The following STARD13 variants were observed in gnomAD, a reference collection of about 807,000 sequenced individuals.
STARD13 encodes StAR related lipid transfer domain containing 13.
In STARD13, 62 loss-of-function variants were observed where a neutral mutation model predicts 106.4. The ratio of observed to expected loss-of-function variants is 0.58; its 90% confidence interval spans 0.48 to 0.72. The LOEUF (loss-of-function observed/expected upper bound fraction) is 0.72, where lower values mean the gene tolerates loss of function less well. Among genes scored for constraint, STARD13 ranks in the 30% least tolerant of loss-of-function variants. STARD13 has a pLI of 0.00. For missense variants in STARD13, 1,387 were observed against 1,424.0 expected (o/e 0.97, Z 0.42); for synonymous variants, 565 against 553.0 (o/e 1.02, Z -0.31).
At chr13:33,503,138 A>G in the STARD13 span, among the ~76,000 whole-genome samples, 1 of 152,130 alleles carries the variant, frequency 6.6e-6, no homozygotes, top group African/African-American at 2.4e-5. Context: ...GAATTTATCC[A>G]TTTCTTCTAG....
At chr13:33,232,761 T>C (rs1888987082) in intron 1 of STARD13, among the ~76,000 whole-genome samples, 1 of 152,234 alleles carries the variant, frequency 6.6e-6, no homozygotes, top group Non-Finnish European at 1.5e-5. Context: ...CCTCAGGAAA[T>C]CAACCCTCAC....
the STARD13 span, among the ~76,000 whole-genome samples, chr13:33,534,409 G>A: frequency 6.6e-6 from 1 of 152,190 alleles, no homozygotes; most frequent in African/African-American, 2.4e-5. Context: ...AGGGAAAATA[G>A]TTGAAGAAGT....
chr13:33,190,588 CTTTTT>C (rs71196510), intron 1 of STARD13, among the ~76,000 whole-genome samples: 2 of 131,206 alleles, frequency 1.5e-5, no homozygotes, highest in East Asian at 2.1e-4. Context: ...CTTTTCTTTT[CTTTTT>C]TTTTTTTTTT....
At chr13:33,480,547 A>G in the STARD13 span, among the ~76,000 whole-genome samples, 1 of 152,146 alleles carries the variant, frequency 6.6e-6, no homozygotes, top group Non-Finnish European at 1.5e-5. Context: ...TACCATCCCT[A>G]GTGTTTTTTG....
chr13:33,285,634 A>G lies in STARD13; in HGVS notation c.5T>C (p.Phe2Ser), dbSNP rs1892020775. The G allele has an allele frequency of 6.8e-6, 11 of 1,612,556 alleles. No individual in the cohort carries two copies. The highest frequency in any genetic ancestry group is 1.3e-5 in the African/African-American group (1 of 74,842). ...GGCTGGGGTCCTGGGCACCTGACTG[A>G]ACATCTCGGCAGATTTCCTATTGCC... M[F>S]SQVPRTPASG... is the part of the protein sequence containing the mutation. Residue 2 changes from phenylalanine to serine, a missense_variant, in exon 1 of 14, where the codon TTC becomes TCC. Coordinates refer to ENST00000336934, the MANE Select transcript of STARD13 (RefSeq NM_178006.4).
chr13:33,237,708 A>T (rs905947751), intron 1 of STARD13, among the ~76,000 whole-genome samples: 2 of 152,208 alleles, frequency 1.3e-5, no homozygotes, highest in Non-Finnish European at 2.9e-5. Context: ...CTTACCAAAA[A>T]ATTTTAAGGA....
intron 1 of STARD13, among the ~76,000 whole-genome samples, chr13:33,332,711 A>G (rs2077850648): frequency 6.6e-6 from 1 of 151,678 alleles, no homozygotes; most frequent in Non-Finnish European, 1.5e-5. Flanking sequence ...CCCAAATAGC[A>G]CCCCCTTTCA....
chr13:33,658,451 C>G, the STARD13 span: 1 of 152,166 alleles, frequency 6.6e-6, no homozygotes, highest in Non-Finnish European at 1.5e-5. Context: ...AATATCATAA[C>G]CCCTCTGAGA....
intron 1 of STARD13, among the ~76,000 whole-genome samples, chr13:33,195,418 T>A (rs897390070): frequency 2.6e-5 from 4 of 152,158 alleles, no homozygotes; most frequent in Non-Finnish European, 5.9e-5. Context: ...GGGGACCACA[T>A]TTTTCTCTCA....
intron 6 of STARD13, 139 bp downstream of exon 6, chr13:33,127,234 C>T: frequency 1.1e-6 from 1 of 949,928 alleles, no homozygotes; most frequent in Non-Finnish European, 1.5e-6. Context: ...CGGCAGAGCT[C>T]ATGCCTTATG....
chr13:33,587,646 G>A, the STARD13 span, among the ~76,000 whole-genome samples: 1 of 152,142 alleles, frequency 6.6e-6, no homozygotes, highest in Admixed American at 6.5e-5. Flanking sequence ...TAATATGCAG[G>A]TTTTGATTCA....
chr13:33,517,027 A>G, the STARD13 span, among the ~76,000 whole-genome samples: 46 of 152,068 alleles, frequency 3.0e-4, no homozygotes, highest in Non-Finnish European at 5.7e-4. Flanking sequence ...AAATGATAAG[A>G]TTTAGGATAT....
the STARD13 span, among the ~76,000 whole-genome samples, chr13:33,430,513 G>A: frequency 1.3e-5 from 2 of 152,166 alleles, no homozygotes; most frequent in African/African-American, 4.8e-5. Context: ...AGAACAGCAT[G>A]GAGGTTCCTC....
the STARD13 span, among the ~76,000 whole-genome samples, chr13:33,633,961 G>A: frequency 1.6e-4 from 25 of 152,194 alleles, no homozygotes; most frequent in Middle Eastern, 3.4e-3. Flanking sequence ...GACCACATTT[G>A]TTTTTATCTT....
chr13:33,256,433 C>T (rs1284493390), intron 1 of STARD13, among the ~76,000 whole-genome samples: 1 of 152,198 alleles, frequency 6.6e-6, no homozygotes, highest in Non-Finnish European at 1.5e-5. Context: ...ACAGTTTTCA[C>T]TTGTTCTATT....
In STARD13 at chr13:33,129,097, G is replaced by A. The variant is rs533317708; in HGVS notation, c.1580C>T (p.Pro527Leu). ...LVGEPGLSTFPSPNQITLDFE... is the reference protein window; with the variant it reads ...LVGEPGLSTFLSPNQITLDFE... ...ATCTAAGGTGATCTGATTAGGAGAT[G>A]GAAAGGTGGATAAGCCAGGTTCCCC... The change falls in exon 5 of 14, where the codon CCA becomes CTA. Residue 527 changes from proline to leucine, a missense_variant. Pro to Leu is a moderately conservative substitution (Grantham distance 98). Transcript: ENST00000336934. 4.3e-6 allele frequency: 7 copies of A among 1,614,170 alleles called. No individual in the cohort carries two copies. In the East Asian group the frequency reaches 1.6e-4, roughly 36 times the overall value.
rs1883966275 is a variant in STARD13 at position 33,171,588 on chromosome 13, T to A, written c.170-3966A>T. On this transcript the variant is annotated intron_variant, in intron 1 of 13. Coordinates refer to ENST00000336934, the MANE Select transcript of STARD13 (RefSeq NM_178006.4). ...TGACGCCTCTTGCCTCCAAGCACAC[T>A]CCCTAGCCCTATCACCACCACCCAC... Among the ~76,000 whole-genome samples, 3 of 152,146 alleles carry A rather than the reference T, an allele frequency of 2.0e-5. 1 individual carries two copies. The South Asian group carries it at 6.2e-4, about 32-fold the overall frequency.
intron 1 of STARD13, among the ~76,000 whole-genome samples, chr13:33,331,566 A>T (rs1211309848): frequency 1.7e-4 from 23 of 133,690 alleles, no homozygotes; most frequent in African/African-American, 6.5e-4. Flanking sequence ...AGGTTTCGCC[A>T]TGTTGGTCAG....
chr13:33,594,536 A>G, the STARD13 span, among the ~76,000 whole-genome samples: 1 of 152,252 alleles, frequency 6.6e-6, no homozygotes, highest in East Asian at 1.9e-4. Context: ...AACAAAATTT[A>G]TCATTGTAAT....
Sources: gnomAD v4.1 joint callset for allele counts (sites outside exome capture counted in the v4.1 genomes callset) on GRCh38, gnomAD v4.1.1 for gene constraint, MANE v1.5 for transcripts, NCBI Gene and HGNC (gene_info 2026-07-23, HGNC 2026-07-21) for gene names.